GNA12: variants seen among roughly 807,000 people sequenced by gnomAD.
GNA12 encodes guanine nucleotide-binding protein subunit alpha-12.
In GNA12, 9 loss-of-function variants were observed where a neutral mutation model predicts 26.0. The observed-to-expected ratio is 0.35, with a 90% confidence interval of 0.21 to 0.60. GNA12 has a LOEUF of 0.60. Among genes scored for constraint, GNA12 ranks in the 20% least tolerant of loss-of-function variants. GNA12 has a pLI of 0.78. For synonymous variants in GNA12, 264 were observed against 219.6 expected (o/e 1.20, Z -1.79); for missense variants, 405 against 525.8 (o/e 0.77, Z 2.25).
At chr7:2,828,354 T>C (rs1442653410) in intron 1 of GNA12, among the ~76,000 whole-genome samples, 1 of 152,202 alleles carries the variant, frequency 6.6e-6, no homozygotes, top group Non-Finnish European at 1.5e-5. Context: ...ACAATAGTTA[T>C]TTTTATTTTT....
At chr7:2,837,732 A>C (rs1778877807) in intron 1 of GNA12, among the ~76,000 whole-genome samples, 1 of 152,190 alleles carries the variant, frequency 6.6e-6, no homozygotes, top group Admixed American at 6.5e-5. Context: ...AATCTGTTGC[A>C]AGCAAACTGA....
intron 2 of GNA12, among the ~76,000 whole-genome samples, chr7:2,781,767 C>T (rs961627966): frequency 6.6e-6 from 1 of 152,116 alleles, no homozygotes; most frequent in South Asian, 2.1e-4. Flanking sequence ...GTTTGCTAAT[C>T]TCTGTGATAG....
intron 1 of GNA12, among the ~76,000 whole-genome samples, chr7:2,826,968 T>TC (rs1793498965): frequency 6.6e-6 from 1 of 152,118 alleles, no homozygotes; most frequent in Admixed American, 6.5e-5. Flanking sequence ...CTCACAACTT[T>TC]CCCAACCCTA....
intron 1 of GNA12, among the ~76,000 whole-genome samples, chr7:2,833,503 G>C (rs1349243220): frequency 2.0e-5 from 3 of 152,060 alleles, no homozygotes; most frequent in Non-Finnish European, 2.9e-5. Context: ...TAATTATTTC[G>C]TTAAGATAAT....
intron 2 of GNA12, among the ~76,000 whole-genome samples, chr7:2,749,278 T>C (rs798506): frequency 0.22 from 34,202 of 152,032 alleles, 4,590 homozygotes; most frequent in East Asian, 0.31. Flanking sequence ...CCAACAATGA[T>C]AGACTGGATT....
rs1789741409 is a variant in GNA12 at position 2,728,882 on chromosome 7, G to A, written c.*2299C>T. The A allele has an allele frequency of 1.3e-5, 2 of 152,448 alleles. No homozygotes were observed. Among genetic ancestry groups the A allele is most frequent in the Non-Finnish European group, 2.9e-5 (2 of 68,084 alleles). The allele number at this position is 152,448 out of a possible 1,614,324, so 9.4% of individuals were successfully genotyped here. The stretch of plus-strand genomic sequence containing the variant: ...GAAGTCCAGCTCAGCAAGGCCAAGT[G>A]CCTCGGCCAGGGCGGTGGGGTCAGC... On this transcript the variant is annotated 3_prime_UTR_variant, in exon 4 of 4. Transcript: ENST00000275364.
At chr7:2,843,805 CG>C in intron 1 of GNA12, 47 bp downstream of exon 1, 1 of 1,139,352 alleles carries the variant, frequency 8.8e-7, no homozygotes, top group Non-Finnish European at 1.2e-6. Context: ...CGGGGGTTAG[CG>C]CCCCGGCCCA....
Position 2,844,197 on chromosome 7 carries a change from C to CG in GNA12, c.-37dup. ...GCCGCGGCCGCGCCCCGCCGGCGCC[C>CG]GGGGGCCATGGACGCTCCCGCCGGC... On this transcript the variant is annotated 5_prime_UTR_variant, in exon 1 of 4. The change abolishes the stop of an existing upstream ORF in the 5' untranslated region. Coordinates refer to ENST00000275364, the MANE Select transcript of GNA12 (RefSeq NM_007353.3). The CG allele has an allele frequency of 1.0e-6, 1 of 964,012 alleles. No homozygotes were observed. The highest frequency in any genetic ancestry group is 1.2e-6 in the Non-Finnish European group (1 of 813,028). The allele number at this position is 964,012 out of a possible 1,614,324, so 59.7% of individuals were successfully genotyped here. A position where few individuals can be genotyped will look rare whatever the true frequency, so the allele number is the denominator to read the frequency against.
At chr7:2,813,019 T>C (rs763036616) in intron 1 of GNA12, among the ~76,000 whole-genome samples, 11 of 152,166 alleles carry the variant, frequency 7.2e-5, no homozygotes, top group African/African-American at 2.4e-4. Flanking sequence ...TCATGGCTCA[T>C]TGCAGCCTCA....
At chr7:2,811,411 A>C (rs988747393) in intron 1 of GNA12, among the ~76,000 whole-genome samples, 2 of 152,256 alleles carry the variant, frequency 1.3e-5, no homozygotes, top group Non-Finnish European at 2.9e-5. Flanking sequence ...CAGCCTTGGC[A>C]GAGAAAGCCC....
chr7:2,782,800 C>T (rs910266336), intron 2 of GNA12, among the ~76,000 whole-genome samples: 5 of 152,108 alleles, frequency 3.3e-5, no homozygotes, highest in African/African-American at 9.7e-5. Flanking sequence ...CACCTTCTGA[C>T]CCCATCCTCC....
chr7:2,832,310 T>C (rs769559912), intron 1 of GNA12, among the ~76,000 whole-genome samples: 1 of 152,118 alleles, frequency 6.6e-6, no homozygotes, highest in Non-Finnish European at 1.5e-5. Flanking sequence ...CAGGACTGTG[T>C]CTCCTCCACT....
intron 2 of GNA12, among the ~76,000 whole-genome samples, chr7:2,787,257 C>G (rs1264202827): frequency 6.6e-6 from 1 of 152,196 alleles, no homozygotes; most frequent in Non-Finnish European, 1.5e-5. Flanking sequence ...CCGTCACCTA[C>G]ATTACTTCAA....
At position 2,769,375 on chromosome 7, in the gene GNA12, G is replaced by C. The variant is rs988022404; in HGVS notation, c.525+25553C>G. Among the ~76,000 whole-genome samples, 7 of 152,194 alleles carry C rather than the reference G, an allele frequency of 4.6e-5. No individual in the cohort carries two copies. In the East Asian group the frequency reaches 1.2e-3, roughly 25 times the overall value. Reference sequence around the variant, plus strand: ...TTCTGGGACATGTATAATTATGTCTGTAAGCTAGGTATCTGTAAATAGAAC... The same window carrying C: ...TTCTGGGACATGTATAATTATGTCTCTAAGCTAGGTATCTGTAAATAGAAC... On this transcript the variant is annotated intron_variant, in intron 2 of 3. Transcript: ENST00000275364.
chr7:2,732,801 G>A (rs1300907324), intron 3 of GNA12, among the ~76,000 whole-genome samples: 2 of 152,058 alleles, frequency 1.3e-5, no homozygotes, highest in African/African-American at 2.4e-5. Flanking sequence ...CAATAAACAA[G>A]TTGAAAGAAA....
chr7:2,816,990 C>G (rs1793232764), intron 1 of GNA12, among the ~76,000 whole-genome samples: 1 of 152,132 alleles, frequency 6.6e-6, no homozygotes, highest in African/African-American at 2.4e-5. Flanking sequence ...CCTCCTACCC[C>G]TGGAGGAGGT....
chr7:2,773,845 C>G (rs775132499), intron 2 of GNA12, among the ~76,000 whole-genome samples: 2 of 152,192 alleles, frequency 1.3e-5, no homozygotes, highest in Non-Finnish European at 2.9e-5. Context: ...TTTGTAATGA[C>G]GCTGAGCTGG....
intron 2 of GNA12, among the ~76,000 whole-genome samples, chr7:2,754,142 T>C (rs980579801): frequency 1.3e-5 from 2 of 152,172 alleles, no homozygotes; most frequent in Admixed American, 1.3e-4. Flanking sequence ...TTATTTTCAC[T>C]ATTTTCTATT....
intron 1 of GNA12, among the ~76,000 whole-genome samples, chr7:2,828,375 G>T (rs999228729): frequency 3.9e-5 from 6 of 152,108 alleles, no homozygotes; most frequent in African/African-American, 1.4e-4. Flanking sequence ...TCAGAGACAG[G>T]GTCTCACTCT....
Sources: allele counts gnomAD v4.1 joint callset (sites outside exome capture counted in the v4.1 genomes callset), GRCh38; gene constraint gnomAD v4.1.1; transcripts MANE v1.5; gene names NCBI Gene and HGNC (gene_info 2026-07-23, HGNC 2026-07-21).